TSPAN18: variants seen among roughly 807,000 people sequenced by gnomAD.
TSPAN18 encodes tetraspanin-18.
A neutral mutation model predicts 27.3 loss-of-function variants in TSPAN18; 14 were observed. The observed-to-expected ratio is 0.51, with a 90% confidence interval of 0.34 to 0.80. The LOEUF is 0.80. Ranked by LOEUF, TSPAN18 falls within the 30% of genes least tolerant of loss-of-function variation. The probability of loss-of-function intolerance (pLI) is 0.01; values close to 1 mark genes in which losing one functional copy is unlikely to be tolerated. For synonymous variants in TSPAN18, 143 were observed against 136.5 expected, an observed-to-expected ratio of 1.05 and a Z score of -0.33; for missense variants, 268 against 323.9, an observed-to-expected ratio of 0.83 and a Z score of 1.32.
chr11:44,758,455 A>G (rs955930394), intron 1 of TSPAN18, among the ~76,000 whole-genome samples: 6 of 152,030 alleles, frequency 3.9e-5, no homozygotes, highest in African/African-American at 7.3e-5. Flanking sequence ...GGTTGCTAAT[A>G]TTTTGTTGGG....
At chr11:44,883,058 T>C (rs1356182235) in intron 3 of TSPAN18, among the ~76,000 whole-genome samples, 1 of 152,112 alleles carries the variant, frequency 6.6e-6, no homozygotes, top group Non-Finnish European at 1.5e-5. Flanking sequence ...CCTGCCAAGC[T>C]CAGGCACTGG....
At position 44,929,598 on chromosome 11, in the gene TSPAN18, G is replaced by T. The variant is rs113174369; in HGVS notation, c.*420G>T. On this transcript the variant is annotated 3_prime_UTR_variant, in exon 10 of 10. Coordinates refer to ENST00000520358, the MANE Select transcript of TSPAN18 (RefSeq NM_130783.5). Reference sequence around the variant, plus strand: ...AGCAAATCTCAGAGAAGTCATCAAAGCCCAGGGGCTGCACGGAGATTCAGC... The same window carrying T: ...AGCAAATCTCAGAGAAGTCATCAAATCCCAGGGGCTGCACGGAGATTCAGC... 3.0e-4 allele frequency: 54 copies of T among 178,484 alleles called. 1 individual carries two copies. The highest frequency in any genetic ancestry group is 1.2e-3 in the African/African-American group (51 of 42,356). 11.1% of individuals were successfully genotyped at this position (178,484 alleles called of 1,614,324 possible). A position where few individuals can be genotyped will look rare whatever the true frequency, so the allele number is the denominator to read the frequency against.
At chr11:44,827,638 C>G (rs1395037256) in intron 2 of TSPAN18, among the ~76,000 whole-genome samples, 2 of 152,198 alleles carry the variant, frequency 1.3e-5, no homozygotes, top group African/African-American at 4.8e-5. Context: ...AAAATTATCC[C>G]CCTTTCAAAA....
At chr11:44,741,764 T>G (rs905146341) in intron 1 of TSPAN18, among the ~76,000 whole-genome samples, 1 of 152,136 alleles carries the variant, frequency 6.6e-6, no homozygotes, top group Non-Finnish European at 1.5e-5. Context: ...GCAAGTTATT[T>G]ATTCCCTCTG....
intron 2 of TSPAN18, among the ~76,000 whole-genome samples, chr11:44,777,633 A>C (rs1279331251): frequency 1.3e-5 from 2 of 152,172 alleles, no homozygotes; most frequent in Admixed American, 1.3e-4. Flanking sequence ...GAGAAATTGC[A>C]TGGTTTGTGA....
chr11:44,854,446 G>C (rs553695355), intron 2 of TSPAN18, among the ~76,000 whole-genome samples: 1 of 152,304 alleles, frequency 6.6e-6, no homozygotes, highest in Non-Finnish European at 1.5e-5. Context: ...CGGGGCTCAA[G>C]TGCTCCATAC....
rs553214885 is a variant in TSPAN18 at position 44,919,303 on chromosome 11, C to G, written c.423C>G (p.Val141=). 6.2e-7 allele frequency: 1 copy of G among 1,613,758 alleles called. No individual in the cohort carries two copies. The highest frequency in any genetic ancestry group is 1.3e-5 in the African/African-American group (1 of 75,070). The change falls in exon 7 of 10, where the codon GTC becomes GTG. Residue 141 remains valine, a synonymous_variant. Transcript: ENST00000520358. ...TCTTCTCTGCCACCTGGAACTCGGTCATGATCACAGTGAGTGACGCCCCAG... is the reference window on the plus strand; with the variant it reads ...TCTTCTCTGCCACCTGGAACTCGGTGATGATCACAGTGAGTGACGCCCCAG... The part of the protein sequence containing the change: ...TDVFSATWNS[V]MITFGCCGVN...
intron 2 of TSPAN18, among the ~76,000 whole-genome samples, chr11:44,827,694 C>T (rs980485225): frequency 1.3e-5 from 2 of 152,216 alleles, no homozygotes; most frequent in African/African-American, 4.8e-5. Context: ...TCTCAAGAGA[C>T]CTGTTCCCAC....
intron 2 of TSPAN18, among the ~76,000 whole-genome samples, chr11:44,851,612 A>ACAC (rs1554991743): frequency 2.7e-5 from 3 of 110,796 alleles, no homozygotes; most frequent in Non-Finnish European, 4.1e-5. Context: ...TACTCTTGTC[A>ACAC]CCTCCCCCCC....
At chr11:44,754,989 A>G (rs2134867291) in intron 1 of TSPAN18, among the ~76,000 whole-genome samples, 2 of 152,314 alleles carry the variant, frequency 1.3e-5, no homozygotes, top group East Asian at 3.9e-4. Context: ...GAGGGCACAC[A>G]GAGACCCTGG....
chr11:44,848,515 G>C (rs1201506791), intron 2 of TSPAN18, among the ~76,000 whole-genome samples: 1 of 152,158 alleles, frequency 6.6e-6, no homozygotes, highest in Non-Finnish European at 1.5e-5. Flanking sequence ...CAAATTAACA[G>C]GTAAAATTCC....
intron 3 of TSPAN18, among the ~76,000 whole-genome samples, chr11:44,891,495 TG>T (rs2135283577): frequency 6.6e-6 from 1 of 152,334 alleles, no homozygotes; most frequent in South Asian, 2.1e-4. Context: ...GAAAGAGCTG[TG>T]GAAACCCAGG....
intron 3 of TSPAN18, among the ~76,000 whole-genome samples, chr11:44,879,639 G>A (rs964393704): frequency 2.6e-5 from 4 of 152,250 alleles, no homozygotes; most frequent in African/African-American, 7.2e-5. Flanking sequence ...AGCTGGAGCT[G>A]GCTGGAACAG....
intron 1 of TSPAN18, among the ~76,000 whole-genome samples, chr11:44,740,417 A>G (rs1249556682): frequency 1.3e-5 from 2 of 152,114 alleles, no homozygotes; most frequent in African/African-American, 4.8e-5. Context: ...AACCAAGGGG[A>G]ACAGCTGCCA....
chr11:44,876,322 C>T (rs993903648), intron 3 of TSPAN18, among the ~76,000 whole-genome samples: 4 of 152,156 alleles, frequency 2.6e-5, no homozygotes, highest in African/African-American at 9.7e-5. Flanking sequence ...TGTGTGCCAG[C>T]GTCCCCAGCC....
intron 4 of TSPAN18, among the ~76,000 whole-genome samples, chr11:44,907,258 G>A (rs1859488846): frequency 6.6e-6 from 1 of 152,196 alleles, no homozygotes; most frequent in African/African-American, 2.4e-5. Context: ...GCCCCTCCCA[G>A]GAGTAGAGCT....
chr11:44,926,610 C>T (rs1860365118), intron 8 of TSPAN18, 64 bp from the exon 9 acceptor site: 1 of 1,439,916 alleles, frequency 6.9e-7, no homozygotes, highest in African/African-American at 1.4e-5. Flanking sequence ...AGTCCACATG[C>T]TGGACTCTGA....
At chr11:44,730,624 CTTT>C (rs1277542808) in intron 1 of TSPAN18, among the ~76,000 whole-genome samples, 1 of 140,486 alleles carries the variant, frequency 7.1e-6, no homozygotes. Flanking sequence ...TCATGAAACA[CTTT>C]TTTTTTTTTT....
chr11:44,819,978 G>A (rs78223297), intron 2 of TSPAN18, among the ~76,000 whole-genome samples: 9,661 of 152,142 alleles, frequency 0.063, 418 homozygotes, highest in African/African-American at 0.13. Flanking sequence ...TGGGACTAAG[G>A]ACACAGAGAA....
Sources: gnomAD v4.1 joint callset for allele counts (sites outside exome capture counted in the v4.1 genomes callset) on GRCh38, gnomAD v4.1.1 for gene constraint, MANE v1.5 for transcripts, NCBI Gene and HGNC (gene_info 2026-07-23, HGNC 2026-07-21) for gene names.